Variants in NCLN observed in about 807,000 individuals in gnomAD.
NCLN encodes the protein BOS complex subunit NCLN.
A neutral mutation model predicts 69.5 loss-of-function variants in NCLN; 34 were observed. The ratio of observed to expected loss-of-function variants is 0.49; its 90% CI spans 0.37 to 0.65. The LOEUF (loss-of-function observed/expected upper bound fraction) is 0.65, where lower values mean the gene tolerates loss of function less well. Ranked by LOEUF, NCLN falls within the 30% of genes least tolerant of loss-of-function variation. The pLI is 0.00. For missense variants in NCLN, 710 were observed against 804.8 expected (o/e 0.88, Z 1.42); for synonymous variants, 393 against 358.3 (o/e 1.10, Z -1.09).
At chr19:3,192,419 C>G (rs181083047) in intron 1 of NCLN, 51 bp from the exon 2 acceptor site, 1 of 1,471,518 alleles carries the variant, frequency 6.8e-7, no homozygotes, top group Non-Finnish European at 9.0e-7. Context: ...TGTCCCCTCC[C>G]GTCGGCCTGG....
At chr19:3,194,059 G>A (rs544482366) in intron 3 of NCLN, among the ~76,000 whole-genome samples, 32 of 152,326 alleles carry the variant, frequency 2.1e-4, no homozygotes, top group African/African-American at 7.2e-4. Context: ...CAGAGCCCAG[G>A]GCCGCAGAGA....
In NCLN at chr19:3,205,195, C is replaced by T. The variant is rs1203587687; in HGVS notation, c.1208+444C>T. ...TATGTCCTCTGACCCTGTGTCCTGC[C>T]CGTCTCTCTGCCATCATGTGAGCCC... On this transcript the variant is annotated intron_variant, in intron 9 of 14. Transcript: ENST00000246117. This position sits in a 1 kb window ranked among gnomAD's most constrained non-coding sequence, Gnocchi z 4.6. Among the ~76,000 whole-genome samples, 3 of 152,230 alleles carry T rather than the reference C, an allele frequency of 2.0e-5. No homozygotes were observed. Among genetic ancestry groups the T allele is most frequent in the Non-Finnish European group, 2.9e-5 (2 of 68,042 alleles).
rs1388623794 is a variant in NCLN at position 3,206,251 on chromosome 19, C to A, written c.1336-11C>A. ...GGGGCCAGGCCATGACTACCACCAC[C>A]GTCCCTACAGCAGATCCAGCAGGAG... On this transcript the variant is annotated splice_polypyrimidine_tract_variant and intron_variant, in intron 11 of 14. Transcript: ENST00000246117. 3 of 1,542,164 alleles carry A rather than the reference C, an allele frequency of 1.9e-6. No homozygotes were observed. The highest frequency in any genetic ancestry group is 2.4e-5 in the South Asian group (2 of 83,088).
chr19:3,196,116 G>A, intron 3 of NCLN, 67 bp from the exon 4 acceptor site: 3 of 1,241,574 alleles, frequency 2.4e-6, no homozygotes, highest in Non-Finnish European at 3.4e-6. Flanking sequence ...GGGTGTCAGT[G>A]CTGGGGATGC....
chr19:3,206,006 A>G lies in NCLN; in HGVS notation c.1276A>G (p.Ile426Val), dbSNP rs779752000. The G allele has an allele frequency of 1.2e-6, 2 of 1,613,424 alleles. No homozygotes were observed. The highest frequency in any genetic ancestry group is 2.2e-5 in the East Asian group (1 of 44,888). Residue 426 changes from isoleucine to valine, a missense_variant, in exon 10 of 15, where the codon ATC (isoleucine) becomes GTC (valine). Transcript: ENST00000246117. ...RIIAEALTRVIYNLTEKGTPP... is the reference protein window; with the variant it reads ...RIIAEALTRVVYNLTEKGTPP... ...CATTGCAGAGGCCCTGACTCGAGTCATCTACAACCTGACAGAGAAGGTGAG... is the reference window on the plus strand; with the variant it reads ...CATTGCAGAGGCCCTGACTCGAGTCGTCTACAACCTGACAGAGAAGGTGAG...
At chr19:3,189,582 C>T (rs1309906739) in intron 1 of NCLN, among the ~76,000 whole-genome samples, 2 of 152,280 alleles carry the variant, frequency 1.3e-5, no homozygotes, top group Non-Finnish European at 2.9e-5. Context: ...GTCACGCCAA[C>T]TGGTGACTTC....
At chr19:3,192,417 C>T (rs1053825531) in intron 1 of NCLN, 53 bp from the exon 2 acceptor site, 7 of 1,461,598 alleles carry the variant, frequency 4.8e-6, no homozygotes, top group Non-Finnish European at 6.4e-6. Context: ...TCTGTCCCCT[C>T]CCGTCGGCCT....
At chr19:3,201,294 C>G (rs1390319732) in intron 5 of NCLN, among the ~76,000 whole-genome samples, 1 of 152,172 alleles carries the variant, frequency 6.6e-6, no homozygotes, top group Non-Finnish European at 1.5e-5. Context: ...CCCAGGCCAT[C>G]AGTCGGGGAT....
rs780219254 is a variant in NCLN, at chr19:3,192,596, C to T, written c.311C>T (p.Ser104Leu). ...YEQYQKALRQ[S>L]AGAVVIILPR... ...CAGTACCAGAAGGCCCTGCGGCAGT[C>T]GGCGGGCGCCGTGGTCATCATCCTG... Residue 104 changes from serine (S) to leucine (L), a missense_variant, in exon 2 of 15, where the codon TCG (serine) becomes TTG (leucine). Transcript: ENST00000246117. 8.7e-6 allele frequency: 14 copies of T among 1,604,726 alleles called. No individual in the cohort carries two copies. The highest frequency in any genetic ancestry group is 1.1e-5 in the South Asian group (1 of 90,418).
At chr19:3,207,553 CT>C (rs1916304672) in intron 14 of NCLN, 75 bp from the exon 15 acceptor site, 4 of 1,607,258 alleles carry the variant, frequency 2.5e-6, no homozygotes, top group Non-Finnish European at 8.5e-7. Flanking sequence ...ATCCTGGCCC[CT>C]GGCTCAGCCT....
chr19:3,205,182 C>T lies in NCLN; in HGVS notation c.1208+431C>T, dbSNP rs910877054. Among the ~76,000 whole-genome samples, 8 of 152,242 alleles carry T rather than the reference C, an allele frequency of 5.3e-5. No homozygotes were observed. The highest frequency in any genetic ancestry group is 1.7e-4 in the African/African-American group (7 of 41,462). On this transcript the variant is annotated intron_variant, in intron 9 of 14. Transcript: ENST00000246117. This position sits in a 1 kb window ranked among gnomAD's most constrained non-coding sequence, Gnocchi z 4.6. ...GTCTCTGGCTTCTTATGTCCTCTGACCCTGTGTCCTGCCCGTCTCTCTGCC... is the reference window on the plus strand; with the variant it reads ...GTCTCTGGCTTCTTATGTCCTCTGATCCTGTGTCCTGCCCGTCTCTCTGCC...
chr19:3,186,391 TC>T (rs1403169344), intron 1 of NCLN, among the ~76,000 whole-genome samples, 177 bp downstream of exon 1: 1 of 151,892 alleles, frequency 6.6e-6, no homozygotes, highest in African/African-American at 2.4e-5. Context: ...ATCCCTGCTC[TC>T]CTTGCCTAGC....
At chr19:3,192,360 TGGGCTGGGGCTG>T (rs11267342) in intron 1 of NCLN, 98 bp from the exon 2 acceptor site, 3 of 848,266 alleles carry the variant, frequency 3.5e-6, no homozygotes, top group African/African-American at 3.6e-5. Flanking sequence ...TTCCAGGTTG[TGGGCTGGGGCTG>T]GGGCTGGGGC....
rs758208765 is a variant in NCLN at position 3,198,771 on chromosome 19, C to T, written c.616-46C>T. The T allele has an allele frequency of 4.6e-6, 7 of 1,517,388 alleles. No homozygotes were observed. In the South Asian group the frequency reaches 4.7e-5, roughly 10 times the overall value. 94.0% of individuals were successfully genotyped at this position (1,517,388 alleles called of 1,614,324 possible). On this transcript the variant is annotated intron_variant, in intron 4 of 14. Coordinates refer to ENST00000246117, the MANE Select transcript of NCLN (RefSeq NM_020170.4). ...GTCTCCAAGCCCCACACACGGGTCA[C>T]CTGCCCCAGGAACAGCCAGGCCATT...
chr19:3,209,409 G>T lies in NCLN; in HGVS notation c.*1721G>T, dbSNP rs1050530568. The T allele has an allele frequency of 6.6e-6, 1 of 152,332 alleles. No homozygotes were observed. Among genetic ancestry groups the T allele is most frequent in the Non-Finnish European group, 1.5e-5 (1 of 68,096 alleles). The allele number at this position is 152,332 out of a possible 1,614,324, so 9.4% of individuals were successfully genotyped here. On this transcript the variant is annotated 3_prime_UTR_variant, in exon 15 of 15. Transcript: ENST00000246117. ...TTGGGGAGTGCTTGCATGCTAGCCA[G>T]CAGGCTCCTGTCTGGGTGCCACGGG...
rs767847399 is a variant in NCLN, at chr19:3,193,385, C to A, written c.477C>A (p.Thr159=). 1 of 1,611,356 alleles carries A rather than the reference C, an allele frequency of 6.2e-7. No individual in the cohort carries two copies. Among genetic ancestry groups the A allele is most frequent in the South Asian group, 1.1e-5 (1 of 91,076 alleles). The change falls in exon 3 of 15, where the codon ACC becomes ACA. Residue 159 remains threonine (T), a synonymous_variant. Coordinates refer to ENST00000246117, the MANE Select transcript of NCLN (RefSeq NM_020170.4). ...CCCTGCTGTCTATCTACAAGCAGAC[C>A]CAGGCTGCCTCCGCCTCCCAGGGCT... is the stretch of plus-strand genomic sequence containing the variant. ...DEALLSIYKQ[T]QAASASQGSA...
chr19:3,201,916 C>T (rs1267361559), intron 6 of NCLN, among the ~76,000 whole-genome samples: 1 of 152,144 alleles, frequency 6.6e-6, no homozygotes, highest in Non-Finnish European at 1.5e-5. Flanking sequence ...CTAGGGGATC[C>T]CCTCAGCCCT....
intron 6 of NCLN, 130 bp from the exon 7 acceptor site, chr19:3,203,626 A>G: frequency 1.3e-6 from 1 of 788,406 alleles, no homozygotes; most frequent in Non-Finnish European, 2.0e-6. Flanking sequence ...CCCCGCCCTA[A>G]GGGGCTGGTC....
intron 6 of NCLN, among the ~76,000 whole-genome samples, chr19:3,201,928 T>C (rs1916135724): frequency 6.6e-6 from 1 of 151,948 alleles, no homozygotes. Context: ...CTCAGCCCTG[T>C]GTGGTCGGGG....
Sources: gnomAD v4.1 joint callset for allele counts (sites outside exome capture counted in the v4.1 genomes callset) on GRCh38, gnomAD v4.1.1 for gene constraint, Gnocchi (gnomAD v3.1) non-coding constraint, MANE v1.5 for transcripts, NCBI Gene and HGNC (gene_info 2026-07-23, HGNC 2026-07-21) for gene names.